GALNT7: variants seen among roughly 807,000 people sequenced by gnomAD.
GALNT7 encodes N-acetylgalactosaminyltransferase 7.
In GALNT7, 60 loss-of-function variants were observed where a neutral mutation model predicts 82.1. The ratio of observed to expected loss-of-function variants is 0.73; its 90% CI spans 0.59 to 0.91. GALNT7 has a LOEUF of 0.91. GALNT7 is among the 40% of genes least tolerant of loss of function. The pLI, the probability that GALNT7 is intolerant of heterozygous loss-of-function variation, is 0.00. For synonymous variants in GALNT7, 243 were observed against 275.1 expected (o/e 0.88, Z 1.15); for missense variants, 660 against 804.2 (o/e 0.82, Z 2.17).
intron 2 of GALNT7, among the ~76,000 whole-genome samples, chr4:173,257,101 G>A (rs147480724): frequency 1.2e-4 from 18 of 152,326 alleles, no homozygotes; most frequent in East Asian, 5.8e-4. Flanking sequence ...AAAAGGACCT[G>A]CGTTGGAGAG....
chr4:173,217,918 T>TAAA (rs1480431718), intron 1 of GALNT7, among the ~76,000 whole-genome samples: 1 of 152,076 alleles, frequency 6.6e-6, no homozygotes, highest in African/African-American at 2.4e-5. Context: ...AGCCAAAAGA[T>TAAA]AAAAAAATGC....
intron 1 of GALNT7, among the ~76,000 whole-genome samples, chr4:173,175,527 C>T (rs56774970): frequency 0.06 from 9,151 of 152,242 alleles, 772 homozygotes; most frequent in African/African-American, 0.18. Flanking sequence ...ACATGGGCTA[C>T]ATTAAAAGGT....
chr4:173,198,718 T>C (rs1468095004), intron 1 of GALNT7, among the ~76,000 whole-genome samples: 1 of 152,244 alleles, frequency 6.6e-6, no homozygotes. Context: ...TCAGTAAATG[T>C]TGGAGACTTT....
rs1046783647 is a variant in GALNT7, at chr4:173,272,073, C to G, written c.588-20035C>G. ...CAAGAGGACAAATTCCTAGTGGAAT[C>G]ACTAAATCAAAGGATTAATAACTGG... On this transcript the variant is annotated intron_variant, in intron 2 of 11. Transcript: ENST00000265000. Among the ~76,000 whole-genome samples the G allele has an allele frequency of 5.3e-5, 8 of 152,212 alleles. No homozygotes were observed. The South Asian group carries it at 1.7e-3, about 31-fold the overall frequency.
At chr4:173,242,014 A>C (rs1036177971) in intron 1 of GALNT7, among the ~76,000 whole-genome samples, 1 of 152,180 alleles carries the variant, frequency 6.6e-6, no homozygotes, top group South Asian at 2.1e-4. Flanking sequence ...CCAGTGTTTC[A>C]ATCTGTAAAG....
At chr4:173,281,165 C>G (rs756296070) in intron 2 of GALNT7, among the ~76,000 whole-genome samples, 2 of 152,144 alleles carry the variant, frequency 1.3e-5, no homozygotes, top group South Asian at 4.1e-4. Flanking sequence ...TTAGATGGTT[C>G]TGGCCTGCTT....
In GALNT7 at chr4:173,288,580, T is replaced by C. The variant is rs79337667; in HGVS notation, c.588-3528T>C. Reference sequence around the variant, plus strand: ...TAGAGAGGTTTGGGGTTTAATAGGCTGTCCCCAGCGGAATAAAATTAACTT... The same window carrying C: ...TAGAGAGGTTTGGGGTTTAATAGGCCGTCCCCAGCGGAATAAAATTAACTT... On this transcript the variant is annotated intron_variant, in intron 2 of 11. Coordinates refer to ENST00000265000, the MANE Select transcript of GALNT7 (RefSeq NM_017423.3). Among the ~76,000 whole-genome samples, 207 of 152,222 alleles carry C rather than the reference T, an allele frequency of 1.4e-3. 1 individual carries two copies. Among genetic ancestry groups the C allele is most frequent in the African/African-American group, 4.8e-3 (200 of 41,562 alleles).
chr4:173,220,565 T>A (rs959208690), intron 1 of GALNT7, among the ~76,000 whole-genome samples: 5 of 152,120 alleles, frequency 3.3e-5, no homozygotes, highest in African/African-American at 4.8e-5. Context: ...GTTAGTTACA[T>A]ACGTATACAT....
intron 10 of GALNT7, 63 bp downstream of exon 10, chr4:173,317,795 A>T: frequency 1.0e-6 from 1 of 997,408 alleles, no homozygotes; most frequent in Non-Finnish European, 1.6e-6. Flanking sequence ...TTTATTGATC[A>T]CAGAGTGATC....
intron 1 of GALNT7, among the ~76,000 whole-genome samples, chr4:173,230,874 T>C (rs1734009978): frequency 2.0e-5 from 3 of 152,190 alleles, no homozygotes; most frequent in Admixed American, 2.0e-4. Context: ...CTGCTGTCTT[T>C]ATGGAACCAG....
chr4:173,269,352 A>C (rs937397305), intron 2 of GALNT7, among the ~76,000 whole-genome samples: 1 of 151,734 alleles, frequency 6.6e-6, no homozygotes, highest in Non-Finnish European at 1.5e-5. Flanking sequence ...ACCCCTCCCC[A>C]CTTTATCTTC....
intron 2 of GALNT7, among the ~76,000 whole-genome samples, chr4:173,279,000 T>C (rs1427512459): frequency 2.0e-5 from 3 of 152,212 alleles, no homozygotes; most frequent in Non-Finnish European, 4.4e-5. Context: ...CCAGTGTCCA[T>C]AGAAACTGAA....
chr4:173,170,045 G>T (rs1328161960), intron 1 of GALNT7, among the ~76,000 whole-genome samples: 1 of 152,098 alleles, frequency 6.6e-6, no homozygotes, highest in African/African-American at 2.4e-5. Context: ...GAGCCGCGCC[G>T]CGCGGGGAAG....
At chr4:173,211,882 C>G (rs1203316042) in intron 1 of GALNT7, among the ~76,000 whole-genome samples, 2 of 152,212 alleles carry the variant, frequency 1.3e-5, no homozygotes, top group Non-Finnish European at 2.9e-5. Context: ...ACATCATAAC[C>G]AAATACAAAA....
At chr4:173,225,482 G>A (rs991431384) in intron 1 of GALNT7, among the ~76,000 whole-genome samples, 8 of 152,124 alleles carry the variant, frequency 5.3e-5, no homozygotes, top group African/African-American at 1.4e-4. Flanking sequence ...ATTTTAAACA[G>A]TAATCCTGTT....
chr4:173,170,713 C>A (rs1451851908), intron 1 of GALNT7, among the ~76,000 whole-genome samples: 5 of 152,134 alleles, frequency 3.3e-5, no homozygotes, highest in Non-Finnish European at 7.4e-5. Flanking sequence ...TTTAAGTCAT[C>A]AAATGGCTTT....
chr4:173,253,063 G>A lies in GALNT7; in HGVS notation c.587+4623G>A, dbSNP rs148733963. 1.8e-3 allele frequency among the ~76,000 whole-genome samples: 274 copies of A among 152,114 alleles called. 1 individual carries two copies. The highest frequency in any genetic ancestry group is 6.2e-3 in the African/African-American group (258 of 41,510). Reference sequence around the variant, plus strand: ...AAAAATACAAAAAAATCAGCTGGGCGTGTTGGCGCATCCCTCTGGTCTCTT... The same window carrying A: ...AAAAATACAAAAAAATCAGCTGGGCATGTTGGCGCATCCCTCTGGTCTCTT... On this transcript the variant is annotated intron_variant, in intron 2 of 11. Coordinates refer to ENST00000265000, the MANE Select transcript of GALNT7 (RefSeq NM_017423.3).
Position 173,267,875 on chromosome 4 carries a change from G to A in GALNT7, c.587+19435G>A, listed in dbSNP as rs372149854. Reference sequence around the variant, plus strand: ...CCGGTTGGAGGTCACAGTTGTTGGAGGCCACCTTCATCCCTTGTGTGGCAT... The same window carrying A: ...CCGGTTGGAGGTCACAGTTGTTGGAAGCCACCTTCATCCCTTGTGTGGCAT... On this transcript the variant is annotated intron_variant, in intron 2 of 11. Transcript: ENST00000265000. Among the ~76,000 whole-genome samples, 57 of 152,220 alleles carry A rather than the reference G, an allele frequency of 3.7e-4. No homozygotes were observed. In the South Asian group the frequency reaches 0.011, roughly 30 times the overall value.
intron 2 of GALNT7, among the ~76,000 whole-genome samples, chr4:173,261,470 T>G (rs1735260089): frequency 6.6e-6 from 1 of 152,138 alleles, no homozygotes; most frequent in Admixed American, 6.5e-5. Flanking sequence ...CTACACTTAT[T>G]TAATAACTTG....
Sources: allele counts gnomAD v4.1 joint callset (sites outside exome capture counted in the v4.1 genomes callset), GRCh38; gene constraint gnomAD v4.1.1; transcripts MANE v1.5; gene names NCBI Gene and HGNC (gene_info 2026-07-23, HGNC 2026-07-21).